PLB1: variants seen among roughly 807,000 people sequenced by gnomAD.
PLB1 encodes phospholipase B1, membrane-associated.
PLB1 carries 242 observed loss-of-function variants against 227.4 expected under a neutral mutation model. The observed-to-expected ratio is 1.06, with a 90% CI of 0.96 to 1.18. PLB1 has a LOEUF of 1.18. Ranked by LOEUF, PLB1 falls within the 50% of genes most tolerant of loss-of-function variation. The pLI, the probability that PLB1 is intolerant of heterozygous loss-of-function variation, is 0.00. For synonymous variants in PLB1, 757 were observed against 682.2 expected (o/e 1.11, Z -1.71); for missense variants, 1,858 against 1,816.3 (o/e 1.02, Z -0.42).
Position 28,585,194 on chromosome 2 carries a change from C to T in PLB1, c.1734-567C>T, listed in dbSNP as rs59689144. On this transcript the variant is annotated intron_variant, in intron 25 of 57. Coordinates refer to ENST00000327757, the MANE Select transcript of PLB1 (RefSeq NM_153021.5). Reference sequence around the variant, plus strand: ...TTCCTCAGACAGCCGTAAGGTGACTCGTCTCCATAAAAGTCACTCCTACAG... The same window carrying T: ...TTCCTCAGACAGCCGTAAGGTGACTTGTCTCCATAAAAGTCACTCCTACAG... Among the ~76,000 whole-genome samples, 885 of 152,280 alleles carry T rather than the reference C, an allele frequency of 5.8e-3. 5 individuals carry two copies. The highest frequency in any genetic ancestry group is 0.02 in the African/African-American group (832 of 41,548).
intron 47 of PLB1, 127 bp downstream of exon 47, chr2:28,620,459 CAA>C (rs1686873756): frequency 7.4e-7 from 1 of 1,349,038 alleles, no homozygotes. Context: ...ACAGGAGACT[CAA>C]TGCTTGCATT....
intron 9 of PLB1, 132 bp downstream of exon 9, chr2:28,532,326 A>G: frequency 1.3e-5 from 7 of 530,638 alleles, no homozygotes; most frequent in South Asian, 3.1e-5. Context: ...ACATGGATGG[A>G]TGGATGGATG....
chr2:28,566,996 C>T (rs1027042660), intron 20 of PLB1, among the ~76,000 whole-genome samples, 157 bp downstream of exon 20: 3 of 151,152 alleles, frequency 2.0e-5, no homozygotes, highest in Non-Finnish European at 4.4e-5. Flanking sequence ...CCGCCCAGCT[C>T]CGCTTCCGAC....
chr2:28,608,781 G>A (rs899028806), intron 43 of PLB1, among the ~76,000 whole-genome samples: 1 of 151,978 alleles, frequency 6.6e-6, no homozygotes, highest in African/African-American at 2.4e-5. Context: ...TCCTTCCTGG[G>A]TTTGTGGACA....
At chr2:28,590,154 C>A in intron 29 of PLB1, 78 bp downstream of exon 29, 1 of 1,250,126 alleles carries the variant, frequency 8.0e-7, no homozygotes, top group African/African-American at 1.5e-5. Flanking sequence ...CCCTCACCCT[C>A]ACCCCAGCTC....
chr2:28,557,197 G>A lies in PLB1; in HGVS notation c.1147+4206G>A, dbSNP rs541429619. Among the ~76,000 whole-genome samples, 3 of 152,158 alleles carry A rather than the reference G, an allele frequency of 2.0e-5. No individual in the cohort carries two copies. The South Asian group carries it at 6.2e-4, about 32-fold the overall frequency. ...TAGAGAAGTGTTTCCCTGCCCTTTG[G>A]TTTTCATCATCTAAAACTTCGAGAT... On this transcript the variant is annotated intron_variant, in intron 17 of 57. Transcript: ENST00000327757.
rs372426763 is a variant in PLB1 at position 28,496,259 on chromosome 2, T to A, written c.55+90T>A. 11 of 1,314,620 alleles carry A rather than the reference T, an allele frequency of 8.4e-6. No individual in the cohort carries two copies. The African/African-American group carries it at 1.5e-4, about 17-fold the overall frequency. The allele number at this position is 1,314,620 out of a possible 1,614,324, so 81.4% of individuals were successfully genotyped here. A position where few individuals can be genotyped will look rare whatever the true frequency, so the allele number is the denominator to read the frequency against. ...AGGCAATGGGTGTGTGAGAGGAGTG[T>A]GTGCTTTTGAAGAGATAAAGCACAA... On this transcript the variant is annotated intron_variant, in intron 1 of 57. Coordinates refer to ENST00000327757, the MANE Select transcript of PLB1 (RefSeq NM_153021.5).
chr2:28,511,382 A>G (rs1275265624), intron 1 of PLB1, among the ~76,000 whole-genome samples: 3 of 152,186 alleles, frequency 2.0e-5, no homozygotes, highest in African/African-American at 7.2e-5. Flanking sequence ...CTGTGGGCAG[A>G]TTTGACTTAT....
chr2:28,622,798 A>G (rs1687216078), intron 49 of PLB1, among the ~76,000 whole-genome samples: 1 of 152,234 alleles, frequency 6.6e-6, no homozygotes, highest in African/African-American at 2.4e-5. Context: ...AGGCAGGAGA[A>G]TCACTTGAAC....
At chr2:28,524,028 C>T (rs535780617) in intron 4 of PLB1, among the ~76,000 whole-genome samples, 156 of 152,322 alleles carry the variant, frequency 1.0e-3, no homozygotes, top group African/African-American at 3.1e-3. Flanking sequence ...GAGCAAAGGA[C>T]GCTGTCTCCA....
At chr2:28,616,034 G>T (rs149525983) in intron 44 of PLB1, among the ~76,000 whole-genome samples, 1 of 152,218 alleles carries the variant, frequency 6.6e-6, no homozygotes, top group Admixed American at 6.5e-5. Context: ...TGACTTCACA[G>T]AAGTAGAGTA....
chr2:28,625,987 T>C (rs1293622954), intron 50 of PLB1, among the ~76,000 whole-genome samples: 24 of 150,846 alleles, frequency 1.6e-4, no homozygotes, highest in Non-Finnish European at 2.7e-4. Context: ...AAGCCCCACT[T>C]TGTTGCTTTT....
chr2:28,539,206 C>T (rs1672121710), intron 11 of PLB1, 28 bp downstream of exon 11: 2 of 1,575,888 alleles, frequency 1.3e-6, no homozygotes, highest in Non-Finnish European at 1.7e-6. Context: ...ATGAGACACG[C>T]ATCTGTGACA....
intron 22 of PLB1, 57 bp downstream of exon 22, chr2:28,578,215 G>T: frequency 6.4e-7 from 1 of 1,560,864 alleles, no homozygotes; most frequent in Non-Finnish European, 8.8e-7. Flanking sequence ...GAGAAGATCA[G>T]CTGTGGATTG....
chr2:28,592,796 C>G, intron 32 of PLB1, 77 bp downstream of exon 32: 1 of 1,358,656 alleles, frequency 7.4e-7, no homozygotes, highest in Non-Finnish European at 1.0e-6. Context: ...ACTTAAGGGT[C>G]TGCATGCCTG....
intron 56 of PLB1, among the ~76,000 whole-genome samples, chr2:28,633,969 TC>T (rs1689001159): frequency 6.6e-6 from 1 of 152,160 alleles, no homozygotes; most frequent in Non-Finnish European, 1.5e-5. Context: ...GTGCAAACGT[TC>T]CCACCCCTGT....
chr2:28,594,148 TCA>T (rs1682505714), intron 33 of PLB1: 1 of 487,422 alleles, frequency 2.1e-6, no homozygotes, highest in Non-Finnish European at 4.2e-6. Flanking sequence ...TGTCTTGTAG[TCA>T]CACAGCTGCC....
At chr2:28,525,408 C>T (rs1301620216) in intron 5 of PLB1, 101 bp downstream of exon 5, 24 of 1,306,158 alleles carry the variant, frequency 1.8e-5, no homozygotes, top group East Asian at 1.7e-4. Flanking sequence ...CAGGGAGGCT[C>T]AGTGCCTTGC....
intron 49 of PLB1, among the ~76,000 whole-genome samples, chr2:28,622,532 T>C (rs560086843): frequency 7.2e-5 from 11 of 152,322 alleles, no homozygotes; most frequent in African/African-American, 2.4e-4. Context: ...CTAACTTTCC[T>C]TCCATCAACC....
Sources: gnomAD v4.1 joint callset for allele counts (sites outside exome capture counted in the v4.1 genomes callset) on GRCh38, gnomAD v4.1.1 for gene constraint, MANE v1.5 for transcripts, NCBI Gene and HGNC (gene_info 2026-07-23, HGNC 2026-07-21) for gene names.